The following CCDC178 variants were observed in gnomAD, a reference collection of about 807,000 sequenced individuals.
CCDC178 encodes the protein coiled-coil domain-containing protein 178.
A neutral mutation model predicts 117.4 loss-of-function variants in CCDC178; 126 were observed. That is an observed-to-expected ratio of 1.07 (90% confidence interval 0.93 to 1.24). The LOEUF is 1.24. Among genes scored for constraint, CCDC178 ranks in the 50% most tolerant of loss-of-function variants. The probability of loss-of-function intolerance (pLI) is 0.00; values close to 1 mark genes in which losing one functional copy is unlikely to be tolerated. For missense variants in CCDC178, 1,030 were observed against 986.9 expected (o/e 1.04, Z -0.59); for synonymous variants, 283 against 313.4 (o/e 0.90, Z 1.02).
intron 6 of CCDC178, among the ~76,000 whole-genome samples, chr18:33,362,854 C>T (rs2063149355): frequency 6.6e-6 from 1 of 151,890 alleles, no homozygotes; most frequent in African/African-American, 2.4e-5. Flanking sequence ...GGTGATTACA[C>T]ATTACATAAA....
intron 15 of CCDC178, among the ~76,000 whole-genome samples, chr18:33,243,683 C>T (rs1176456316): frequency 6.6e-6 from 1 of 151,738 alleles, no homozygotes; most frequent in African/African-American, 2.4e-5. Context: ...TAATCCAGTG[C>T]AACATCTCTT....
Position 33,255,372 on chromosome 18 carries a change from G to C in CCDC178, c.1410-9944C>G, listed in dbSNP as rs140197080. ...ACAGTTTACAGTGTCCAATCTATCA[G>C]TCTGGAAGCATGACTTTATCCAATA... On this transcript the variant is annotated intron_variant, in intron 14 of 22. Transcript: ENST00000383096. Among the ~76,000 whole-genome samples the C allele has an allele frequency of 2.6e-5, 4 of 152,202 alleles. No homozygotes were observed. In the South Asian group the frequency reaches 8.3e-4, roughly 32 times the overall value.
At chr18:32,974,415 C>A in intron 22 of CCDC178, 132 bp downstream of exon 22, 1 of 767,796 alleles carries the variant, frequency 1.3e-6, no homozygotes. Context: ...TCATGCAATT[C>A]CAGTTTATTA....
At chr18:33,352,414 T>C (rs2144700153) in intron 7 of CCDC178, among the ~76,000 whole-genome samples, 1 of 152,286 alleles carries the variant, frequency 6.6e-6, no homozygotes, top group East Asian at 1.9e-4. Flanking sequence ...TTTTCTAGCC[T>C]CTATTTCATT....
At chr18:33,319,124 G>A (rs1250334256) in intron 11 of CCDC178, among the ~76,000 whole-genome samples, 1 of 151,974 alleles carries the variant, frequency 6.6e-6, no homozygotes, top group African/African-American at 2.4e-5. Flanking sequence ...CATGTGCCAT[G>A]TTGGTGTGCT....
intron 20 of CCDC178, among the ~76,000 whole-genome samples, chr18:33,105,113 A>C (rs140525926): frequency 1.3e-5 from 2 of 151,828 alleles, no homozygotes; most frequent in African/African-American, 4.8e-5. Context: ...GGAATTTGTA[A>C]TGAGGCATTT....
chr18:33,039,463 T>C (rs2056505506), intron 21 of CCDC178, among the ~76,000 whole-genome samples: 1 of 152,080 alleles, frequency 6.6e-6, no homozygotes, highest in South Asian at 2.1e-4. Flanking sequence ...AGGCCAGGTC[T>C]AGAGCTCACA....
At chr18:33,084,480 AT>A (rs2057345927) in intron 21 of CCDC178, among the ~76,000 whole-genome samples, 1 of 152,030 alleles carries the variant, frequency 6.6e-6, no homozygotes, top group Non-Finnish European at 1.5e-5. Context: ...AGATCTTTTC[AT>A]TTATATATGT....
chr18:33,121,420 G>T, intron 20 of CCDC178, among the ~76,000 whole-genome samples: 1 of 152,048 alleles, frequency 6.6e-6, no homozygotes, highest in East Asian at 1.9e-4. Context: ...TGTAAGATTT[G>T]TAATAAACAA....
At chr18:33,155,332 T>C (rs1389031276) in intron 20 of CCDC178, among the ~76,000 whole-genome samples, 1 of 152,060 alleles carries the variant, frequency 6.6e-6, no homozygotes, top group Non-Finnish European at 1.5e-5. Flanking sequence ...AAGATAAAAA[T>C]ATTAAAATAT....
chr18:33,247,648 T>G (rs2059567006), intron 14 of CCDC178, among the ~76,000 whole-genome samples: 1 of 151,874 alleles, frequency 6.6e-6, no homozygotes, highest in African/African-American at 2.4e-5. Context: ...TACTTTTGAG[T>G]CTATGGGTAC....
chr18:32,988,253 C>T (rs1472015663), intron 21 of CCDC178, among the ~76,000 whole-genome samples: 4 of 151,762 alleles, frequency 2.6e-5, no homozygotes, highest in Non-Finnish European at 5.9e-5. Context: ...CTGGCCAACA[C>T]GGTGAAACCC....
chr18:33,383,584 T>A (rs970206447), intron 5 of CCDC178, among the ~76,000 whole-genome samples: 2 of 151,718 alleles, frequency 1.3e-5, no homozygotes, highest in African/African-American at 4.8e-5. Context: ...GAGTCTGGAG[T>A]GGACACCTAG....
rs1405361312 is a variant in CCDC178, at chr18:33,245,337, C to G, written c.1501G>C (p.Glu501Gln). Residue 501 changes from glutamate to glutamine, a missense_variant, in exon 15 of 23, where the codon GAG becomes CAG. Coordinates refer to ENST00000383096, the MANE Select transcript of CCDC178 (RefSeq NM_001105528.4). ...AAAAGAGTACCAATGCGATAAGCCT[C>G]CTTATAGATGTTCTTGAGATGTTTA... ...NDKHLKNIYK[E>Q]AYRIGTLFHL... The G allele has an allele frequency of 3.1e-6, 5 of 1,608,310 alleles. No individual in the cohort carries two copies. Among genetic ancestry groups the G allele is most frequent in the Non-Finnish European group, 4.2e-6 (5 of 1,177,520 alleles).
intron 2 of CCDC178, among the ~76,000 whole-genome samples, chr18:33,421,256 TAAC>T (rs2064020483): frequency 1.3e-5 from 2 of 152,300 alleles, no homozygotes; most frequent in African/African-American, 4.8e-5. Context: ...AAGTATAAAC[TAAC>T]AACAACAACA....
At chr18:33,029,040 T>A (rs1337087746) in intron 21 of CCDC178, among the ~76,000 whole-genome samples, 1 of 151,914 alleles carries the variant, frequency 6.6e-6, no homozygotes, top group Non-Finnish European at 1.5e-5. Flanking sequence ...ATAGAACGAG[T>A]TGGGAAGTGT....
At chr18:32,943,516 A>G (rs1052839397) in intron 22 of CCDC178, among the ~76,000 whole-genome samples, 6 of 152,132 alleles carry the variant, frequency 3.9e-5, no homozygotes, top group African/African-American at 7.2e-5. Flanking sequence ...ATAAAATTGT[A>G]TACTATTAAT....
intron 19 of CCDC178, among the ~76,000 whole-genome samples, chr18:33,213,052 C>T (rs1279848001): frequency 6.6e-6 from 1 of 151,978 alleles, no homozygotes; most frequent in East Asian, 1.9e-4. Flanking sequence ...AAACTAATAT[C>T]TCTGCTTTTA....
chr18:33,078,988 A>C (rs2145025579), intron 21 of CCDC178, among the ~76,000 whole-genome samples: 1 of 152,324 alleles, frequency 6.6e-6, no homozygotes, highest in Non-Finnish European at 1.5e-5. Flanking sequence ...ATGCAAAAAG[A>C]ACAAAGGTGG....
Sources: allele counts gnomAD v4.1 joint callset (sites outside exome capture counted in the v4.1 genomes callset), GRCh38; gene constraint gnomAD v4.1.1; transcripts MANE v1.5; gene names NCBI Gene and HGNC (gene_info 2026-07-23, HGNC 2026-07-21).